Variants in SLC23A2 observed in about 807,000 individuals in gnomAD.
SLC23A2 encodes the protein Na(+)/L-ascorbic acid transporter 2.
Under a neutral mutation model 73.3 loss-of-function variants are expected in SLC23A2, and 36 were observed. The ratio of observed to expected loss-of-function variants is 0.49; its 90% CI spans 0.38 to 0.65. SLC23A2 has a LOEUF of 0.65. Ranked by LOEUF, SLC23A2 falls within the 30% of genes least tolerant of loss-of-function variation. The probability of loss-of-function intolerance (pLI) is 0.00; values close to 1 mark genes in which losing one functional copy is unlikely to be tolerated. For missense variants in SLC23A2, 507 were observed against 841.6 expected, an observed-to-expected ratio of 0.60 and a Z score of 4.92; for synonymous variants, 343 against 327.3, an observed-to-expected ratio of 1.05 and a Z score of -0.52.
chr20:5,009,750 TA>T (rs1323735983), intron 1 of SLC23A2, among the ~76,000 whole-genome samples: 2 of 152,200 alleles, frequency 1.3e-5, no homozygotes, highest in Middle Eastern at 3.4e-3. Flanking sequence ...GAAACTGAAT[TA>T]GTCAAGGTTC....
rs6116582 is a variant in SLC23A2 at position 4,924,775 on chromosome 20, C to T, written c.108+7680G>A. 4.6e-3 allele frequency among the ~76,000 whole-genome samples: 702 copies of T among 152,370 alleles called. 4 individuals carry two copies. The highest frequency in any genetic ancestry group is 8.0e-3 in the Non-Finnish European group (543 of 68,042). ...TTCTTGGTGCAGCCTTTCCTGGCCG[C>T]CTGAATTTTCAGCATCCATACCTCT... On this transcript the variant is annotated intron_variant, in intron 3 of 16. Coordinates refer to ENST00000338244, the MANE Select transcript of SLC23A2 (RefSeq NM_005116.6).
chr20:4,887,766 G>A (rs1459733069), intron 6 of SLC23A2, among the ~76,000 whole-genome samples: 1 of 152,184 alleles, frequency 6.6e-6, no homozygotes, highest in Non-Finnish European at 1.5e-5. Context: ...CCAGCATTAT[G>A]TGTTCACGTC....
rs1454298686 is a variant in SLC23A2 at position 4,970,808 on chromosome 20, T to C, written c.-170A>G. On this transcript the variant is annotated 5_prime_UTR_variant, in exon 2 of 17. Transcript: ENST00000338244. ...TTACACGCACCTAAGTGATGTGGCGTAGACCTGTCCATATGCTTTCCATTA... is the reference window on the plus strand; with the variant it reads ...TTACACGCACCTAAGTGATGTGGCGCAGACCTGTCCATATGCTTTCCATTA... The C allele has an allele frequency of 6.6e-6, 1 of 152,236 alleles. No individual in the cohort carries two copies. Among genetic ancestry groups the C allele is most frequent in the Non-Finnish European group, 1.5e-5 (1 of 68,038 alleles). 9.4% of individuals were successfully genotyped at this position (152,236 alleles called of 1,614,324 possible).
intron 12 of SLC23A2, chr20:4,869,661 A>G (rs749568239): frequency 6.0e-5 from 27 of 449,350 alleles, no homozygotes; most frequent in Non-Finnish European, 1.1e-4. Flanking sequence ...TGTCACTGCA[A>G]TTAAGGAAGG....
chr20:4,933,214 T>C (rs765096064), intron 2 of SLC23A2, among the ~76,000 whole-genome samples: 7 of 129,386 alleles, frequency 5.4e-5, no homozygotes, highest in Non-Finnish European at 1.0e-4. Context: ...GCAATGCGGA[T>C]ACAGCCAATT....
chr20:4,983,161 A>G (rs1035366836), intron 1 of SLC23A2, among the ~76,000 whole-genome samples: 1 of 152,130 alleles, frequency 6.6e-6, no homozygotes, highest in Non-Finnish European at 1.5e-5. Context: ...TACCTCAAAC[A>G]TTAAAATCGA....
At position 4,932,585 on chromosome 20, in the gene SLC23A2, C is replaced by A; in HGVS notation, c.-23G>T. ...CATTAAGAGAAACGAGTAGTTTACA[C>A]AGCCGTTGGGGAGAGCAGCTGGAAG... On this transcript the variant is annotated 5_prime_UTR_variant, in exon 3 of 17. Coordinates refer to ENST00000338244, the MANE Select transcript of SLC23A2 (RefSeq NM_005116.6). 1 of 1,295,670 alleles carries A rather than the reference C, an allele frequency of 7.7e-7. No homozygotes were observed. 80.3% of individuals were successfully genotyped at this position (1,295,670 alleles called of 1,614,324 possible). A position where few individuals can be genotyped will look rare whatever the true frequency, so the allele number is the denominator to read the frequency against.
chr20:5,009,612 A>G (rs986847307), intron 1 of SLC23A2, among the ~76,000 whole-genome samples: 4 of 152,166 alleles, frequency 2.6e-5, no homozygotes, highest in African/African-American at 9.7e-5. Flanking sequence ...TTCGGTTACT[A>G]CTGAAGTACT....
chr20:4,896,111 G>T (rs1444191089), intron 6 of SLC23A2, among the ~76,000 whole-genome samples: 1 of 152,154 alleles, frequency 6.6e-6, no homozygotes, highest in Admixed American at 6.5e-5. Flanking sequence ...ACGTGGGGGG[G>T]ATGAGAGAAG....
At chr20:4,950,670 T>G (rs1326962995) in intron 2 of SLC23A2, among the ~76,000 whole-genome samples, 1 of 151,982 alleles carries the variant, frequency 6.6e-6, no homozygotes, top group African/African-American at 2.4e-5. Flanking sequence ...CTCTGCCCTG[T>G]GGAATATGCA....
intron 1 of SLC23A2, among the ~76,000 whole-genome samples, chr20:4,972,387 G>A (rs2087574968): frequency 6.6e-6 from 1 of 150,414 alleles, no homozygotes; most frequent in South Asian, 2.1e-4. Context: ...CTAAACACTG[G>A]TCTTGTGCTA....
At chr20:4,866,800 C>G (rs1379106361) in intron 13 of SLC23A2, among the ~76,000 whole-genome samples, 1 of 152,170 alleles carries the variant, frequency 6.6e-6, no homozygotes, top group African/African-American at 2.4e-5. Flanking sequence ...CCACTCCTCC[C>G]TCCCAATTTG....
At chr20:4,864,934 C>T (rs1930132222) in intron 13 of SLC23A2, among the ~76,000 whole-genome samples, 1 of 152,236 alleles carries the variant, frequency 6.6e-6, no homozygotes, top group East Asian at 1.9e-4. Context: ...AAAGTGACAT[C>T]CAGAAGACTG....
chr20:4,982,970 T>C (rs2087750002), intron 1 of SLC23A2, among the ~76,000 whole-genome samples: 1 of 152,082 alleles, frequency 6.6e-6, no homozygotes, highest in Non-Finnish European at 1.5e-5. Context: ...CCGGGCATGG[T>C]AGCACACGCC....
At chr20:4,912,094 C>T (rs1244367573) in intron 4 of SLC23A2, among the ~76,000 whole-genome samples, 1 of 151,646 alleles carries the variant, frequency 6.6e-6, no homozygotes, top group Non-Finnish European at 1.5e-5. Flanking sequence ...ATCTTCCCGC[C>T]TCAGCCTCCC....
chr20:4,952,684 G>A (rs1008459242), intron 2 of SLC23A2, among the ~76,000 whole-genome samples: 5 of 152,142 alleles, frequency 3.3e-5, no homozygotes, highest in East Asian at 3.8e-4. Context: ...GTTATAAAAC[G>A]CAATGCATAA....
intron 2 of SLC23A2, among the ~76,000 whole-genome samples, chr20:4,963,288 C>T (rs995068973): frequency 5.3e-5 from 8 of 152,238 alleles, no homozygotes; most frequent in African/African-American, 7.2e-5. Flanking sequence ...CAGGGATCCA[C>T]GTTTTCTGGG....
chr20:4,909,378 C>T (rs1448311232), intron 4 of SLC23A2, among the ~76,000 whole-genome samples: 1 of 152,126 alleles, frequency 6.6e-6, no homozygotes, highest in Non-Finnish European at 1.5e-5. Context: ...CATCAGGTTG[C>T]CAGCCGCTGG....
chr20:5,007,209 G>A (rs1041346909), intron 1 of SLC23A2, among the ~76,000 whole-genome samples: 4 of 151,842 alleles, frequency 2.6e-5, no homozygotes, highest in Non-Finnish European at 5.9e-5. Context: ...CCATTTTAAG[G>A]TATACATTTT....
Sources: allele counts gnomAD v4.1 joint callset (sites outside exome capture counted in the v4.1 genomes callset), GRCh38; gene constraint gnomAD v4.1.1; transcripts MANE v1.5; gene names NCBI Gene and HGNC (gene_info 2026-07-23, HGNC 2026-07-21).